ACADL: variants seen among roughly 807,000 people sequenced by gnomAD.
ACADL encodes the protein acyl-CoA dehydrogenase long chain.
In ACADL, 60 loss-of-function variants were observed where a neutral mutation model predicts 56.9. The observed-to-expected ratio is 1.05, with a 90% confidence interval of 0.86 to 1.31. ACADL has a LOEUF of 1.31. ACADL is among the 50% of genes most tolerant of loss of function. The probability of loss-of-function intolerance (pLI) is 0.00; values close to 1 mark genes in which losing one functional copy is unlikely to be tolerated. For missense variants in ACADL, 484 were observed against 525.5 expected (o/e 0.92, Z 0.77); for synonymous variants, 158 against 179.7 (o/e 0.88, Z 0.97).
At chr2:210,193,876 G>A (rs1314110528) in intron 9 of ACADL, among the ~76,000 whole-genome samples, 2 of 152,194 alleles carry the variant, frequency 1.3e-5, no homozygotes, top group Non-Finnish European at 1.5e-5. Flanking sequence ...GCAAAAATAA[G>A]GGTAGATACT....
rs1325641697 is a variant in ACADL, at chr2:210,205,778, A to G, written c.622T>C (p.Ser208Pro). Residue 208 changes from serine to proline, a missense_variant, in exon 6 of 11, where the codon TCA becomes CCA. By Grantham distance (74) the Ser-to-Pro change is moderately conservative. Transcript: ENST00000233710. ...ACTACAATCACAACATCACTTAATG[A>G]CCCATTACTGATGAACACCTGCAAA... Reference protein sequence around the residue: ...NGSKVFISNGSLSDVVIVVAV... With the variant: ...NGSKVFISNGPLSDVVIVVAV... 1 of 1,613,892 alleles carries G rather than the reference A, an allele frequency of 6.2e-7. No individual in the cohort carries two copies. The highest frequency in any genetic ancestry group is 1.3e-5 in the African/African-American group (1 of 74,910).
chr2:210,194,053 G>T (rs56839181), intron 9 of ACADL, among the ~76,000 whole-genome samples: 2,480 of 152,022 alleles, frequency 0.016, 66 homozygotes, highest in African/African-American at 0.057. Context: ...ATATTTACTG[G>T]GCTATAACTA....
At chr2:210,219,870 T>C (rs1689146284) in intron 2 of ACADL, among the ~76,000 whole-genome samples, 1 of 152,162 alleles carries the variant, frequency 6.6e-6, no homozygotes, top group Non-Finnish European at 1.5e-5. Context: ...TTAGATGATT[T>C]TGCCTAACTG....
intron 3 of ACADL, 93 bp downstream of exon 3, chr2:210,217,872 C>T (rs1038780190): frequency 1.4e-6 from 2 of 1,480,434 alleles, no homozygotes; most frequent in Non-Finnish European, 1.9e-6. Context: ...GATTAGAAAA[C>T]ATTTGTTTGT....
At chr2:210,195,924 C>A (rs1688703851) in intron 8 of ACADL, among the ~76,000 whole-genome samples, 1 of 152,034 alleles carries the variant, frequency 6.6e-6, no homozygotes. Context: ...GATCAAAATC[C>A]AGTACCCTCA....
intron 1 of ACADL, chr2:210,224,353 T>C (rs188111641): frequency 6.4e-5 from 63 of 981,012 alleles, no homozygotes; most frequent in African/African-American, 5.6e-4. Context: ...CCAGGAAAAG[T>C]AGGCATTTTG....
chr2:210,215,040 G>T (rs571714219), intron 4 of ACADL, among the ~76,000 whole-genome samples: 1 of 151,984 alleles, frequency 6.6e-6, no homozygotes, highest in African/African-American at 2.4e-5. Flanking sequence ...CAATAAAAAA[G>T]GAGGGCCTGA....
chr2:210,221,727 C>CT (rs35816930), intron 1 of ACADL, among the ~76,000 whole-genome samples: 14,615 of 140,162 alleles, frequency 0.1, 805 homozygotes, highest in Middle Eastern at 0.15. Context: ...TGTTTCTTTC[C>CT]TTTTTTTTTT....
intron 9 of ACADL, among the ~76,000 whole-genome samples, chr2:210,193,110 T>A (rs1192043924): frequency 6.6e-6 from 1 of 152,216 alleles, no homozygotes; most frequent in African/African-American, 2.4e-5. Context: ...ATTATATTTC[T>A]TGCTAGGTTT....
chr2:210,212,786 C>T (rs1689007131), intron 4 of ACADL, among the ~76,000 whole-genome samples: 1 of 152,036 alleles, frequency 6.6e-6, no homozygotes, highest in Non-Finnish European at 1.5e-5. Context: ...CTGCTTTGTA[C>T]ATAACGGGCA....
intron 2 of ACADL, among the ~76,000 whole-genome samples, chr2:210,219,350 G>T (rs1575681998): frequency 6.6e-6 from 1 of 152,158 alleles, no homozygotes. Context: ...TGTAATCCCA[G>T]CACTTTGGGA....
chr2:210,207,740 G>A (rs182595820), intron 5 of ACADL, among the ~76,000 whole-genome samples: 5 of 152,164 alleles, frequency 3.3e-5, no homozygotes, highest in African/African-American at 4.8e-5. Flanking sequence ...ATGAAAAATG[G>A]GCAAATAATG....
At chr2:210,202,672 C>G (rs554740380) in intron 8 of ACADL, among the ~76,000 whole-genome samples, 39 of 152,142 alleles carry the variant, frequency 2.6e-4, no homozygotes, top group African/African-American at 8.9e-4. Context: ...TTAAAATATG[C>G]ACCCGCATTC....
intron 9 of ACADL, 143 bp downstream of exon 9, chr2:210,195,068 A>G: frequency 9.3e-7 from 1 of 1,069,804 alleles, no homozygotes; most frequent in Non-Finnish European, 1.4e-6. Flanking sequence ...ACTTTTTAGC[A>G]TTTTTTTTTA....
chr2:210,197,108 G>C (rs1287283206), intron 8 of ACADL, among the ~76,000 whole-genome samples: 3 of 152,170 alleles, frequency 2.0e-5, no homozygotes, highest in Non-Finnish European at 4.4e-5. Flanking sequence ...GTATCAGGTG[G>C]AGTAAAGCTC....
chr2:210,217,490 G>A (rs1313165475), intron 3 of ACADL: 2 of 159,912 alleles, frequency 1.3e-5, no homozygotes, highest in Non-Finnish European at 2.7e-5. Flanking sequence ...AGTTTAATTT[G>A]CATTTGATTG....
At position 210,205,616 on chromosome 2, in the gene ACADL, T is replaced by A. The variant is rs1447847799; in HGVS notation, c.768+16A>T. ...AACTCAATTAGTATCTGAATATGAT[T>A]TACATTATCACTCACCTGGGCTTTT... On this transcript the variant is annotated intron_variant, in intron 6 of 10. Coordinates refer to ENST00000233710, the MANE Select transcript of ACADL (RefSeq NM_001608.4). 1.2e-6 allele frequency: 2 copies of A among 1,612,248 alleles called. No homozygotes were observed. Among genetic ancestry groups the A allele is most frequent in the Non-Finnish European group, 1.7e-6 (2 of 1,178,682 alleles).
chr2:210,203,439 C>G lies in ACADL; in HGVS notation c.876G>C (p.Arg292Ser), dbSNP rs1417527947. 3 of 1,610,592 alleles carry G rather than the reference C, an allele frequency of 1.9e-6. No individual in the cohort carries two copies. In the South Asian group the frequency reaches 3.3e-5, roughly 18 times the overall value. Residue 292 changes from arginine to serine, a missense_variant, in exon 8 of 11, where the codon AGG (arginine) becomes AGC (serine). Coordinates refer to ENST00000233710, the MANE Select transcript of ACADL (RefSeq NM_001608.4). ...AAATTGCCACATCAGCAATTAACAG[C>G]CTTTCCTATAACACAAAAATTAGGT... ...YYIMKELPQE[R>S]LLIADVAISA... is the part of the protein sequence containing the mutation.
Position 210,225,332 on chromosome 2 carries a change from C to G in ACADL, c.-69G>C. The G allele has an allele frequency of 6.7e-7, 1 of 1,484,310 alleles. No homozygotes were observed. The highest frequency in any genetic ancestry group is 1.2e-5 in the South Asian group (1 of 81,994). The allele number at this position is 1,484,310 out of a possible 1,614,324, so 91.9% of individuals were successfully genotyped here. A position where few individuals can be genotyped will look rare whatever the true frequency, so the allele number is the denominator to read the frequency against. ...GCTACTCGGCGACTCGGGGCAGGGT[C>G]CCCGGGAGGGAGGACGATCAGCTGA... is the stretch of plus-strand genomic sequence containing the variant. On this transcript the variant is annotated 5_prime_UTR_variant, in exon 1 of 11. Coordinates refer to ENST00000233710, the MANE Select transcript of ACADL (RefSeq NM_001608.4).
Sources: gnomAD v4.1 joint callset for allele counts (sites outside exome capture counted in the v4.1 genomes callset) on GRCh38, gnomAD v4.1.1 for gene constraint, MANE v1.5 for transcripts, NCBI Gene and HGNC (gene_info 2026-07-23, HGNC 2026-07-21) for gene names.